The following INPP5A variants were observed in gnomAD, a reference collection of about 807,000 sequenced individuals.
INPP5A encodes the protein 43 kDa inositol polyphosphate 5-phophatase.
A neutral mutation model predicts 65.2 loss-of-function variants in INPP5A; 14 were observed. The ratio of observed to expected loss-of-function variants is 0.21; its 90% CI spans 0.14 to 0.34. INPP5A has a LOEUF of 0.34. INPP5A is among the 10% of genes least tolerant of loss of function. The probability of loss-of-function intolerance (pLI) is 1.00; values close to 1 mark genes in which losing one functional copy is unlikely to be tolerated. For synonymous variants in INPP5A, 207 were observed against 208.3 expected, an observed-to-expected ratio of 0.99 and a Z score of 0.05; for missense variants, 431 against 545.6, an observed-to-expected ratio of 0.79 and a Z score of 2.09.
At chr10:132,688,698 T>A (rs914779913) in intron 4 of INPP5A, among the ~76,000 whole-genome samples, 1 of 151,504 alleles carries the variant, frequency 6.6e-6, no homozygotes, top group African/African-American at 2.4e-5. Context: ...AGTGCATGTG[T>A]GTGCAAGTGT....
At position 132,538,001 on chromosome 10, in the gene INPP5A, CGCCCCGCG is replaced by C. The variant is rs1426968551; in HGVS notation, c.-87_-80del. 1 of 476,250 alleles carries C rather than the reference CGCCCCGCG, an allele frequency of 2.1e-6. No homozygotes were observed. The highest frequency in any genetic ancestry group is 2.7e-6 in the Non-Finnish European group (1 of 366,592). The allele number at this position is 476,250 out of a possible 1,614,324, so 29.5% of individuals were successfully genotyped here. A position where few individuals can be genotyped will look rare whatever the true frequency, so the allele number is the denominator to read the frequency against. The stretch of plus-strand genomic sequence containing the variant: ...CGGGGCCGCCCCCCGGCGCAGCTGA[CGCCCCGCG>C]GCCCCGCGAAGACCCCGGCCGGCCG... On this transcript the variant is annotated 5_prime_UTR_variant, in exon 1 of 16. Transcript: ENST00000368594. The surrounding 1 kb of genome is among the most constrained non-coding windows in gnomAD (Gnocchi z 4.1).
Position 132,663,506 on chromosome 10 carries a change from C to T in INPP5A, c.306+13001C>T, listed in dbSNP as rs1013597452. 2.0e-5 allele frequency among the ~76,000 whole-genome samples: 3 copies of T among 152,232 alleles called. No individual in the cohort carries two copies. The highest frequency in any genetic ancestry group is 7.2e-5 in the African/African-American group (3 of 41,464). ...AAAGTGCTGGGATTACAGGTGCGAACCACTGTGCCCTGCCAAAAAGACATT... is the reference window on the plus strand; with the variant it reads ...AAAGTGCTGGGATTACAGGTGCGAATCACTGTGCCCTGCCAAAAAGACATT... On this transcript the variant is annotated intron_variant, in intron 4 of 15. Coordinates refer to ENST00000368594, the MANE Select transcript of INPP5A (RefSeq NM_005539.5). This position sits in a 1 kb window ranked among gnomAD's most constrained non-coding sequence, Gnocchi z 4.5.
intron 8 of INPP5A, among the ~76,000 whole-genome samples, chr10:132,712,296 GTGTA>G (rs1252471600): frequency 1.2e-4 from 19 of 152,292 alleles, no homozygotes; most frequent in Admixed American, 5.2e-4. Flanking sequence ...ATGCATGTGA[GTGTA>G]TGCACAGTTG....
chr10:132,623,420 G>A (rs759175329), intron 2 of INPP5A, among the ~76,000 whole-genome samples: 1 of 149,400 alleles, frequency 6.7e-6, no homozygotes, highest in Non-Finnish European at 1.5e-5. Flanking sequence ...TCAACAAATT[G>A]TGCAGGAACA....
In INPP5A at chr10:132,706,393, G is replaced by T. The variant is rs564234435; in HGVS notation, c.475-1920G>T. ...CGAGCACAATTTGGATACAGAGCAG[G>T]ATATATAAAAATAAACCCATACCTG... On this transcript the variant is annotated intron_variant, in intron 6 of 15. Coordinates refer to ENST00000368594, the MANE Select transcript of INPP5A (RefSeq NM_005539.5). This position sits in a 1 kb window ranked among gnomAD's most constrained non-coding sequence, Gnocchi z 4.7. Among the ~76,000 whole-genome samples the T allele has an allele frequency of 4.6e-5, 7 of 152,324 alleles. No homozygotes were observed. The South Asian group carries it at 1.4e-3, about 32-fold the overall frequency.
At chr10:132,703,525 TCACA>T (rs1039932975) in intron 6 of INPP5A, among the ~76,000 whole-genome samples, 1 of 108,484 alleles carries the variant, frequency 9.2e-6, no homozygotes, top group African/African-American at 3.7e-5. Flanking sequence ...ACACACACAC[TCACA>T]TTTACCCATA....
intron 4 of INPP5A, among the ~76,000 whole-genome samples, chr10:132,681,686 A>T (rs2073047677): frequency 6.6e-6 from 1 of 152,246 alleles, no homozygotes; most frequent in Admixed American, 6.5e-5. Context: ...TGAGGTGATT[A>T]TTCAAAAAGT....
At chr10:132,562,254 G>A (rs540719262) in intron 1 of INPP5A, among the ~76,000 whole-genome samples, 13 of 152,354 alleles carry the variant, frequency 8.5e-5, no homozygotes, top group African/African-American at 2.9e-4. Flanking sequence ...GGCTTGATAC[G>A]GCTGGGCCAG....
chr10:132,620,156 C>T (rs2133359441), intron 2 of INPP5A, among the ~76,000 whole-genome samples: 1 of 152,322 alleles, frequency 6.6e-6, no homozygotes, highest in African/African-American at 2.4e-5. Context: ...GGCCTCAGGA[C>T]CTGTGACAGG....
rs560480248 is a variant in INPP5A, at chr10:132,731,167, G to T, written c.732+4262G>T. Among the ~76,000 whole-genome samples the T allele has an allele frequency of 2.0e-5, 3 of 152,334 alleles. No homozygotes were observed. In the South Asian group the frequency reaches 6.2e-4, roughly 32 times the overall value. ...GTCAGCCCTGCACAATCCCAGGGAA[G>T]AGTCAGGCCTGGGTTCCCCCCGGTG... is the stretch of plus-strand genomic sequence containing the variant. On this transcript the variant is annotated intron_variant, in intron 9 of 15. Coordinates refer to ENST00000368594, the MANE Select transcript of INPP5A (RefSeq NM_005539.5).
At chr10:132,641,454 T>A (rs1590887850) in intron 2 of INPP5A, among the ~76,000 whole-genome samples, 1 of 152,340 alleles carries the variant, frequency 6.6e-6, no homozygotes, top group African/African-American at 2.4e-5. Context: ...TCCGGATAGA[T>A]CTAACCAGGA....
chr10:132,626,363 G>A (rs1298445779), intron 2 of INPP5A, among the ~76,000 whole-genome samples: 1 of 152,242 alleles, frequency 6.6e-6, no homozygotes, highest in East Asian at 1.9e-4. Context: ...CCATTCCTCA[G>A]GGAGACTGTT....
chr10:132,705,523 G>A lies in INPP5A; in HGVS notation c.475-2790G>A, dbSNP rs189317271. The stretch of plus-strand genomic sequence containing the variant: ...GGTGTGAGGACGGATCCTCCTCGAC[G>A]AGTAGAGCCATAGCCTGGCGTCCAA... On this transcript the variant is annotated intron_variant, in intron 6 of 15. Transcript: ENST00000368594. This position sits in a 1 kb window ranked among gnomAD's most constrained non-coding sequence, Gnocchi z 4.9. Among the ~76,000 whole-genome samples, 13 of 152,368 alleles carry A rather than the reference G, an allele frequency of 8.5e-5. No homozygotes were observed. Among genetic ancestry groups the A allele is most frequent in the South Asian group, 2.1e-4 (1 of 4,832 alleles).
At position 132,637,708 on chromosome 10, in the gene INPP5A, C is replaced by T. The variant is rs191262939; in HGVS notation, c.118-8160C>T. Among the ~76,000 whole-genome samples, 34 of 152,256 alleles carry T rather than the reference C, an allele frequency of 2.2e-4. No homozygotes were observed. The East Asian group carries it at 5.0e-3, about 22-fold the overall frequency. On this transcript the variant is annotated intron_variant, in intron 2 of 15. Coordinates refer to ENST00000368594, the MANE Select transcript of INPP5A (RefSeq NM_005539.5). The surrounding 1 kb of genome is among the most constrained non-coding windows in gnomAD (Gnocchi z 4.1). ...CTTTGCCGCCCCCGAGGTTGATGGG[C>T]GCTCTCCGTCTCTTTCTCCCAGTGG...
rs942183486 is a variant in INPP5A at position 132,727,658 on chromosome 10, T to C, written c.732+753T>C. 3.9e-5 allele frequency among the ~76,000 whole-genome samples: 6 copies of C among 152,122 alleles called. No homozygotes were observed. Among genetic ancestry groups the C allele is most frequent in the Admixed American group, 6.5e-5 (1 of 15,280 alleles). On this transcript the variant is annotated intron_variant, in intron 9 of 15. Transcript: ENST00000368594. The surrounding 1 kb of genome is among the most constrained non-coding windows in gnomAD (Gnocchi z 6.5). Reference sequence around the variant, plus strand: ...GGGGTGTGGGAAATGGTGGAGCACCTGTTGCCCACCCGCCCTGGCCCTGCT... The same window carrying C: ...GGGGTGTGGGAAATGGTGGAGCACCCGTTGCCCACCCGCCCTGGCCCTGCT...
At position 132,707,576 on chromosome 10, in the gene INPP5A, G is replaced by A. The variant is rs1845556427; in HGVS notation, c.475-737G>A. Among the ~76,000 whole-genome samples, 1 of 152,210 alleles carries A rather than the reference G, an allele frequency of 6.6e-6. No homozygotes were observed. Among genetic ancestry groups the A allele is most frequent in the Non-Finnish European group, 1.5e-5 (1 of 68,028 alleles). On this transcript the variant is annotated intron_variant, in intron 6 of 15. Coordinates refer to ENST00000368594, the MANE Select transcript of INPP5A (RefSeq NM_005539.5). The surrounding 1 kb of genome is among the most constrained non-coding windows in gnomAD (Gnocchi z 5.5). ...TGGCTGGCCACTGCTGTACTGGGTGGCCCAGCAGAGGAACCTACCATGGTG... is the reference window on the plus strand; with the variant it reads ...TGGCTGGCCACTGCTGTACTGGGTGACCCAGCAGAGGAACCTACCATGGTG...
intron 8 of INPP5A, among the ~76,000 whole-genome samples, chr10:132,720,898 G>A (rs1425980073): frequency 7.0e-5 from 10 of 143,420 alleles, no homozygotes; most frequent in African/African-American, 1.8e-4. Context: ...CTGTCTGGGC[G>A]CCTTAGACGG....
chr10:132,649,694 C>T lies in INPP5A; in HGVS notation c.219-724C>T, dbSNP rs904012221. Among the ~76,000 whole-genome samples, 52 of 152,186 alleles carry T rather than the reference C, an allele frequency of 3.4e-4. 1 individual carries two copies. The highest frequency in any genetic ancestry group is 2.9e-4 in the Non-Finnish European group (20 of 68,020). On this transcript the variant is annotated intron_variant, in intron 3 of 15. Coordinates refer to ENST00000368594, the MANE Select transcript of INPP5A (RefSeq NM_005539.5). ...CTCCCCACTGGCTTGAATAAGCATG[C>T]GTGGGTAGGGGGATGATGGACTGTC...
chr10:132,548,947 C>T (rs2071016191), intron 1 of INPP5A, among the ~76,000 whole-genome samples: 1 of 152,068 alleles, frequency 6.6e-6, no homozygotes, highest in Admixed American at 6.6e-5. Flanking sequence ...CAGGCGCGGC[C>T]ACCATGCCAG....
Sources: gnomAD v4.1 joint callset for allele counts (sites outside exome capture counted in the v4.1 genomes callset) on GRCh38, gnomAD v4.1.1 for gene constraint, Gnocchi (gnomAD v3.1) non-coding constraint, MANE v1.5 for transcripts, NCBI Gene and HGNC (gene_info 2026-07-23, HGNC 2026-07-21) for gene names.